The following WWOX variants were observed in gnomAD, a reference collection of about 807,000 sequenced individuals.
WWOX encodes the protein WW domain containing oxidoreductase.
Under a neutral mutation model 46.2 loss-of-function variants are expected in WWOX, and 69 were observed. That is an observed-to-expected ratio of 1.49 (90% CI 1.23 to 1.82). The LOEUF (loss-of-function observed/expected upper bound fraction) is 1.82. Ranked by LOEUF, WWOX falls within the 40% of genes most tolerant of loss-of-function variation. The pLI is 0.00. For synonymous variants in WWOX, 359 were observed against 202.6 expected (o/e 1.77, Z -6.56); for missense variants, 919 against 542.6 (o/e 1.69, Z -6.89).
intron 8 of WWOX, among the ~76,000 whole-genome samples, chr16:78,964,727 G>T (rs923231477): frequency 6.6e-6 from 1 of 151,842 alleles, no homozygotes; most frequent in Non-Finnish European, 1.5e-5. Context: ...CCATGTCAGA[G>T]ACTTTCACAG....
intron 8 of WWOX, among the ~76,000 whole-genome samples, chr16:78,568,302 T>G (rs2151569197): frequency 6.6e-6 from 1 of 152,132 alleles, no homozygotes; most frequent in East Asian, 1.9e-4. Flanking sequence ...CTACTTATCA[T>G]TACTTTGTCC....
At position 79,212,580 on chromosome 16, in the gene WWOX, G is replaced by T. The variant is rs1395321878; in HGVS notation, c.*784G>T. 4 of 162,440 alleles carry T rather than the reference G, an allele frequency of 2.5e-5. No individual in the cohort carries two copies. The South Asian group carries it at 6.8e-4, about 27-fold the overall frequency. The allele number at this position is 162,440 out of a possible 1,614,324, so 10.1% of individuals were successfully genotyped here. Reference sequence around the variant, plus strand: ...TTAATCCCTTTGTCTGTCAATCACAGTCTCAGTTCTCTTGCTTTCACATTG... The same window carrying T: ...TTAATCCCTTTGTCTGTCAATCACATTCTCAGTTCTCTTGCTTTCACATTG... On this transcript the variant is annotated 3_prime_UTR_variant, in exon 9 of 9. Coordinates refer to ENST00000566780, the MANE Select transcript of WWOX (RefSeq NM_016373.4).
chr16:78,828,383 A>G (rs969262205), intron 8 of WWOX, among the ~76,000 whole-genome samples: 3 of 152,116 alleles, frequency 2.0e-5, no homozygotes, highest in Non-Finnish European at 4.4e-5. Flanking sequence ...TACGGTTAGG[A>G]CCAACATTTA....
In WWOX at chr16:79,133,013, C is replaced by T. The variant is rs76566891; in HGVS notation, c.1057-78595C>T. On this transcript the variant is annotated intron_variant, in intron 8 of 8. Coordinates refer to ENST00000566780, the MANE Select transcript of WWOX (RefSeq NM_016373.4). The stretch of plus-strand genomic sequence containing the variant: ...TACCAGTCCTGGCAGGCACACAGCT[C>T]TGTGAGATTTTCCTTCTGGCTTTGC... Among the ~76,000 whole-genome samples, 201 of 152,278 alleles carry T rather than the reference C, an allele frequency of 1.3e-3. 1 individual carries two copies. The highest frequency in any genetic ancestry group is 4.6e-3 in the African/African-American group (192 of 41,560).
At chr16:78,385,623 A>G (rs2082045472) in intron 5 of WWOX, among the ~76,000 whole-genome samples, 1 of 152,248 alleles carries the variant, frequency 6.6e-6, no homozygotes, top group African/African-American at 2.4e-5. Context: ...ATTACGCTGA[A>G]CGTCTCAGCC....
intron 8 of WWOX, among the ~76,000 whole-genome samples, chr16:79,098,270 C>T (rs1427779571): frequency 6.6e-6 from 1 of 152,158 alleles, no homozygotes; most frequent in Non-Finnish European, 1.5e-5. Flanking sequence ...TTTGGGGACT[C>T]CTTTTATTTA....
intron 8 of WWOX, among the ~76,000 whole-genome samples, chr16:78,517,049 G>A (rs1468168610): frequency 6.6e-6 from 1 of 152,036 alleles, no homozygotes; most frequent in Non-Finnish European, 1.5e-5. Flanking sequence ...GCTTTATATA[G>A]TTTTTAAAGT....
At chr16:78,791,613 C>T (rs2050602550) in intron 8 of WWOX, among the ~76,000 whole-genome samples, 1 of 152,072 alleles carries the variant, frequency 6.6e-6, no homozygotes, top group East Asian at 1.9e-4. Context: ...TGCGGTGGCT[C>T]ATACCTGTAA....
intron 5 of WWOX, among the ~76,000 whole-genome samples, chr16:78,385,909 C>A (rs1321472885): frequency 6.6e-6 from 1 of 152,072 alleles, no homozygotes; most frequent in Non-Finnish European, 1.5e-5. Flanking sequence ...CGAAGCGCAC[C>A]CAGATTTAAA....
chr16:78,380,043 CATGGTGTA>C (rs2081921164), intron 5 of WWOX, among the ~76,000 whole-genome samples: 1 of 152,150 alleles, frequency 6.6e-6, no homozygotes, highest in African/African-American at 2.4e-5. Context: ...TTATTTGGGA[CATGGTGTA>C]TTGAAGGTGT....
At chr16:78,870,310 T>C (rs2044098869) in intron 8 of WWOX, among the ~76,000 whole-genome samples, 1 of 152,160 alleles carries the variant, frequency 6.6e-6, no homozygotes, top group South Asian at 2.1e-4. Context: ...ACATTACTTC[T>C]TTTCATTCTA....
intron 8 of WWOX, among the ~76,000 whole-genome samples, chr16:78,909,849 G>C (rs931595764): frequency 3.9e-5 from 6 of 152,180 alleles, no homozygotes; most frequent in African/African-American, 1.4e-4. Flanking sequence ...CATAAATACT[G>C]CTTGGCAAAT....
At chr16:78,578,811 A>T (rs1234878175) in intron 8 of WWOX, among the ~76,000 whole-genome samples, 1 of 152,196 alleles carries the variant, frequency 6.6e-6, no homozygotes, top group East Asian at 1.9e-4. Context: ...CCAGAATTGC[A>T]TCCCTGACAT....
At chr16:78,420,651 A>ATGT (rs75985674) in intron 6 of WWOX, among the ~76,000 whole-genome samples, 12 of 139,156 alleles carry the variant, frequency 8.6e-5, no homozygotes, top group South Asian at 2.2e-4. Flanking sequence ...GTGATTGCTA[A>ATGT]TTTTTTTTTT....
intron 8 of WWOX, among the ~76,000 whole-genome samples, chr16:79,029,894 A>G (rs2047719463): frequency 1.3e-5 from 2 of 152,224 alleles, no homozygotes; most frequent in Admixed American, 1.3e-4. Flanking sequence ...ATCGAAAGGA[A>G]GCATAAACGC....
chr16:78,466,903 T>C (rs79066708), intron 8 of WWOX, among the ~76,000 whole-genome samples: 3,944 of 151,902 alleles, frequency 0.026, 192 homozygotes, highest in African/African-American at 0.092. Flanking sequence ...AGTTGCAACG[T>C]TGTAGCATGG....
chr16:78,679,914 C>T (rs2047690072), intron 8 of WWOX, among the ~76,000 whole-genome samples: 1 of 152,176 alleles, frequency 6.6e-6, no homozygotes, highest in South Asian at 2.1e-4. Flanking sequence ...ACTCCGTAAC[C>T]AATGGCAGCT....
chr16:79,022,143 A>G (rs555434833), intron 8 of WWOX, among the ~76,000 whole-genome samples: 2 of 152,316 alleles, frequency 1.3e-5, no homozygotes, highest in East Asian at 3.9e-4. Context: ...GCCAGAAAGC[A>G]CCAAGCAATT....
chr16:78,324,399 C>G (rs1292475675), intron 5 of WWOX, among the ~76,000 whole-genome samples: 1 of 152,000 alleles, frequency 6.6e-6, no homozygotes, highest in Admixed American at 6.6e-5. Context: ...CTCCAATAGT[C>G]AAGAGTTCCC....
Sources: gnomAD v4.1 joint callset for allele counts (sites outside exome capture counted in the v4.1 genomes callset) on GRCh38, gnomAD v4.1.1 for gene constraint, MANE v1.5 for transcripts, NCBI Gene and HGNC (gene_info 2026-07-23, HGNC 2026-07-21) for gene names.